Variants in LUZP2 observed in about 807,000 individuals in gnomAD.
LUZP2 encodes the protein leucine zipper protein 2.
Under a neutral mutation model 51.6 loss-of-function variants are expected in LUZP2, and 52 were observed. That is an observed-to-expected ratio of 1.01 (90% CI 0.81 to 1.27). LUZP2 has a LOEUF of 1.27. LUZP2 is among the 50% of genes most tolerant of loss of function. The probability of loss-of-function intolerance (pLI) is 0.00; values close to 1 mark genes in which losing one functional copy is unlikely to be tolerated. For missense variants in LUZP2, 436 were observed against 395.4 expected (o/e 1.10, Z -0.87); for synonymous variants, 154 against 137.3 (o/e 1.12, Z -0.85).
intron 1 of LUZP2, among the ~76,000 whole-genome samples, chr11:24,641,541 G>T (rs948355851): frequency 1.3e-5 from 2 of 151,742 alleles, no homozygotes; most frequent in Admixed American, 6.6e-5. Flanking sequence ...ATTTAGAAAG[G>T]TACCTCATCT....
At chr11:24,918,703 A>G (rs1037984332) in intron 7 of LUZP2, among the ~76,000 whole-genome samples, 2 of 151,480 alleles carry the variant, frequency 1.3e-5, no homozygotes, top group Non-Finnish European at 1.5e-5. Flanking sequence ...CAAAAAATAT[A>G]AAGCCAAACT....
chr11:24,929,953 G>T (rs566987015), intron 7 of LUZP2, among the ~76,000 whole-genome samples: 1 of 152,280 alleles, frequency 6.6e-6, no homozygotes, highest in South Asian at 2.1e-4. Context: ...ACATTTCCCT[G>T]TAGGGCAAGT....
chr11:24,548,598 G>A (rs1022004452), intron 1 of LUZP2, among the ~76,000 whole-genome samples: 2 of 151,944 alleles, frequency 1.3e-5, no homozygotes, highest in African/African-American at 4.8e-5. Flanking sequence ...TACCTGTCAG[G>A]TACTATGCTT....
At chr11:24,862,432 C>T (rs10767257) in intron 5 of LUZP2, among the ~76,000 whole-genome samples, 23,983 of 152,070 alleles carry the variant, frequency 0.16, 2,067 homozygotes, top group African/African-American at 0.22. Flanking sequence ...TGGTATCAGC[C>T]GCTGCAAAAA....
chr11:24,908,857 G>A (rs1853541540), intron 6 of LUZP2, among the ~76,000 whole-genome samples: 1 of 150,872 alleles, frequency 6.6e-6, no homozygotes, highest in African/African-American at 2.4e-5. Flanking sequence ...CCAGGTTCAT[G>A]CCATTCTTCT....
intron 5 of LUZP2, among the ~76,000 whole-genome samples, chr11:24,874,173 G>C (rs1191329904): frequency 2.6e-5 from 4 of 152,164 alleles, no homozygotes; most frequent in Non-Finnish European, 4.4e-5. Context: ...CACATGGCTA[G>C]AGATTCTCAT....
chr11:24,977,828 A>T (rs1855921221), intron 8 of LUZP2, among the ~76,000 whole-genome samples: 1 of 151,318 alleles, frequency 6.6e-6, no homozygotes, highest in Non-Finnish European at 1.5e-5. Flanking sequence ...TTAACACTTA[A>T]TTCAGATAGA....
At chr11:24,654,065 C>T (rs1282024313) in intron 1 of LUZP2, among the ~76,000 whole-genome samples, 2 of 152,114 alleles carry the variant, frequency 1.3e-5, no homozygotes, top group Admixed American at 6.5e-5. Flanking sequence ...ATCTCTATTA[C>T]TTAGTAATTA....
chr11:24,691,935 G>A (rs1306443304), intron 1 of LUZP2, among the ~76,000 whole-genome samples: 1 of 151,894 alleles, frequency 6.6e-6, no homozygotes, highest in Non-Finnish European at 1.5e-5. Flanking sequence ...GTAGATTCAT[G>A]ACAGAATAGG....
intron 5 of LUZP2, among the ~76,000 whole-genome samples, chr11:24,785,205 T>A (rs944967031): frequency 1.1e-4 from 16 of 152,210 alleles, no homozygotes; most frequent in African/African-American, 3.8e-4. Flanking sequence ...CATATCTATA[T>A]TGTGGCTTTC....
chr11:24,968,564 T>G (rs575255905), intron 7 of LUZP2, among the ~76,000 whole-genome samples: 17 of 152,248 alleles, frequency 1.1e-4, no homozygotes, highest in Non-Finnish European at 2.1e-4. Context: ...CTCTCAGCCA[T>G]GTAGAATTTG....
intron 5 of LUZP2, among the ~76,000 whole-genome samples, chr11:24,810,278 AT>A (rs1300591896): frequency 6.6e-6 from 1 of 152,136 alleles, no homozygotes; most frequent in Non-Finnish European, 1.5e-5. Flanking sequence ...ATTACTGTGC[AT>A]TTTTCCTGTC....
intron 1 of LUZP2, among the ~76,000 whole-genome samples, chr11:24,515,267 G>T (rs1025825358): frequency 9.9e-5 from 15 of 152,126 alleles, no homozygotes; most frequent in African/African-American, 1.4e-4. Flanking sequence ...GGTATTCTAG[G>T]AATACTACAC....
At chr11:25,034,214 C>G (rs978485343) in intron 9 of LUZP2, among the ~76,000 whole-genome samples, 4 of 152,056 alleles carry the variant, frequency 2.6e-5, no homozygotes, top group Non-Finnish European at 2.9e-5. Context: ...TTGTTGGCTA[C>G]TTGCATATCT....
At chr11:24,587,969 A>G (rs1186573131) in intron 1 of LUZP2, among the ~76,000 whole-genome samples, 2 of 152,076 alleles carry the variant, frequency 1.3e-5, no homozygotes, top group Non-Finnish European at 2.9e-5. Flanking sequence ...AGAGATGTTC[A>G]CCCCTGACCA....
intron 7 of LUZP2, among the ~76,000 whole-genome samples, chr11:24,928,562 C>A (rs2133830050): frequency 6.6e-6 from 1 of 152,172 alleles, no homozygotes; most frequent in African/African-American, 2.4e-5. Context: ...ACCATCCCTG[C>A]ATCCCTGGTA....
At chr11:24,894,200 G>C in intron 5 of LUZP2, among the ~76,000 whole-genome samples, 1 of 137,980 alleles carries the variant, frequency 7.2e-6, no homozygotes, top group Admixed American at 7.6e-5. Context: ...TTGTGATGGA[G>C]TTTCATTCTT....
At position 24,959,336 on chromosome 11, in the gene LUZP2, T is replaced by C. The variant is rs554648168; in HGVS notation, c.523-17255T>C. ...TGGGGATGGCATTGAATCTATAAAT[T>C]ACCTTGGGCAGTATGGCCATTTTCA... On this transcript the variant is annotated intron_variant, in intron 7 of 11. Transcript: ENST00000336930. Among the ~76,000 whole-genome samples the C allele has an allele frequency of 2.0e-5, 3 of 152,306 alleles. No individual in the cohort carries two copies. The South Asian group carries it at 6.2e-4, about 32-fold the overall frequency.
intron 1 of LUZP2, among the ~76,000 whole-genome samples, chr11:24,583,029 A>AT (rs1182998925): frequency 1.1e-4 from 17 of 151,960 alleles, no homozygotes; most frequent in Non-Finnish European, 2.1e-4. Flanking sequence ...GCTTTCATGG[A>AT]TTTTTTTGTA....
Sources: gnomAD v4.1 joint callset for allele counts (sites outside exome capture counted in the v4.1 genomes callset) on GRCh38, gnomAD v4.1.1 for gene constraint, MANE v1.5 for transcripts, NCBI Gene and HGNC (gene_info 2026-07-23, HGNC 2026-07-21) for gene names.